Variants in SAMMSON observed in about 807,000 individuals in gnomAD.
The protein encoded by SAMMSON is long intergenic non-protein coding RNA 1212.
At chr3:70,055,004 G>T (rs754810087) in intron 3 of SAMMSON, among the ~76,000 whole-genome samples, 2 of 152,090 alleles carry the variant, frequency 1.3e-5, no homozygotes, top group African/African-American at 4.8e-5. Context: ...ATTTGATGAT[G>T]TCAAGGAATT....
rs577398031 is a variant in SAMMSON at position 70,328,420 on chromosome 3, G to A, written n.740-25755G>A. On this transcript the variant is annotated intron_variant and non_coding_transcript_variant, in intron 7 of 9. Coordinates refer to ENST00000642114, the Ensembl canonical transcript of SAMMSON. ...ACCTAAAGACAGCAAATAGAACTAT[G>A]TATGTCCCAAAAGGCAGAGGAAAGC... Among the ~76,000 whole-genome samples, 3 of 152,270 alleles carry A rather than the reference G, an allele frequency of 2.0e-5. No individual in the cohort carries two copies. In the East Asian group the frequency reaches 5.8e-4, roughly 29 times the overall value.
intron 9 of SAMMSON, among the ~76,000 whole-genome samples, chr3:70,376,690 C>T (rs1367175906): frequency 6.6e-6 from 1 of 152,038 alleles, no homozygotes; most frequent in Non-Finnish European, 1.5e-5. Flanking sequence ...TCATCCAGAG[C>T]CAGGCTCTGA....
chr3:70,282,193 C>A lies in SAMMSON; in HGVS notation n.675-8986C>A, dbSNP rs11924537. Among the ~76,000 whole-genome samples the A allele has an allele frequency of 1.3e-4, 20 of 151,966 alleles. 1 individual carries two copies. The highest frequency in any genetic ancestry group is 2.0e-4 in the Admixed American group (3 of 15,264). On this transcript the variant is annotated intron_variant and non_coding_transcript_variant, in intron 6 of 9. Transcript: ENST00000642114. ...CTCCTGGGATGCAGTAATCAAAAAA[C>A]CCTTCTTTCCTGGCAGTATTTGCTG...
chr3:70,254,099 G>A (rs989882268), intron 6 of SAMMSON, among the ~76,000 whole-genome samples: 1 of 151,576 alleles, frequency 6.6e-6, no homozygotes, highest in Admixed American at 6.6e-5. Context: ...ATTCTTTTCA[G>A]AGCATTAAAA....
intron 7 of SAMMSON, among the ~76,000 whole-genome samples, chr3:70,352,878 G>C (rs558836834): frequency 1.3e-5 from 2 of 151,994 alleles, no homozygotes; most frequent in Admixed American, 6.6e-5. Flanking sequence ...TATTGGTTGA[G>C]GAATACATAG....
At chr3:70,144,662 G>T (rs1274003344) in intron 4 of SAMMSON, among the ~76,000 whole-genome samples, 2 of 152,134 alleles carry the variant, frequency 1.3e-5, no homozygotes, top group Non-Finnish European at 2.9e-5. Context: ...TTGTGGGAGG[G>T]ACCCAGTGGG....
chr3:70,379,868 T>C (rs1207457066), intron 9 of SAMMSON, among the ~76,000 whole-genome samples: 2 of 152,200 alleles, frequency 1.3e-5, no homozygotes, highest in South Asian at 2.1e-4. Flanking sequence ...TTGTTGCCTA[T>C]GTTTATAAAA....
At chr3:70,267,504 G>A (rs1209979525) in intron 6 of SAMMSON, among the ~76,000 whole-genome samples, 2 of 132,112 alleles carry the variant, frequency 1.5e-5, no homozygotes, top group African/African-American at 5.7e-5. Flanking sequence ...CTGGGCTCAC[G>A]CCCTTCTCCT....
intron 4 of SAMMSON, among the ~76,000 whole-genome samples, chr3:70,087,884 T>C (rs544069757): frequency 6.6e-6 from 1 of 152,290 alleles, no homozygotes; most frequent in East Asian, 1.9e-4. Flanking sequence ...TATGCTTGTT[T>C]AAGGGATGTA....
chr3:70,058,776 C>T (rs181977946), intron 3 of SAMMSON, among the ~76,000 whole-genome samples: 1 of 152,014 alleles, frequency 6.6e-6, no homozygotes, highest in Non-Finnish European at 1.5e-5. Context: ...ACTGTATATA[C>T]CATCATATAA....
At chr3:70,064,448 G>A (rs553181288) in intron 3 of SAMMSON, among the ~76,000 whole-genome samples, 3 of 152,076 alleles carry the variant, frequency 2.0e-5, no homozygotes, top group African/African-American at 7.2e-5. Flanking sequence ...ATTGCAATCC[G>A]ACCAAGTCTA....
chr3:70,175,275 G>A (rs1037093330), intron 4 of SAMMSON, among the ~76,000 whole-genome samples: 2 of 152,032 alleles, frequency 1.3e-5, no homozygotes, highest in African/African-American at 4.8e-5. Context: ...ATGAAATAGA[G>A]AAAGAGTACC....
intron 2 of SAMMSON, among the ~76,000 whole-genome samples, chr3:70,410,110 C>CT (rs1376733613): frequency 6.6e-6 from 1 of 152,182 alleles, no homozygotes; most frequent in African/African-American, 2.4e-5. Flanking sequence ...ACTGAAAAAT[C>CT]TTTTCCCCCT....
chr3:70,408,896 T>G (rs1575643382), intron 2 of SAMMSON, among the ~76,000 whole-genome samples: 1 of 152,158 alleles, frequency 6.6e-6, no homozygotes, highest in East Asian at 1.9e-4. Context: ...TTAATTGGGC[T>G]TACAATTCCA....
At chr3:70,038,889 TGAGGA>T (rs971369552) in intron 3 of SAMMSON, among the ~76,000 whole-genome samples, 22 of 152,032 alleles carry the variant, frequency 1.4e-4, no homozygotes, top group African/African-American at 5.1e-4. Context: ...GGTTTGTGGC[TGAGGA>T]GTTGAATAAA....
chr3:70,071,652 C>G (rs1326073686), intron 4 of SAMMSON: 1 of 151,950 alleles, frequency 6.6e-6, no homozygotes, highest in African/African-American at 2.4e-5. Flanking sequence ...CCTCGCGATT[C>G]CTAATTAGCA....
intron 1 of SAMMSON, among the ~76,000 whole-genome samples, chr3:70,005,416 A>G (rs1423545799): frequency 6.6e-6 from 1 of 152,120 alleles, no homozygotes; most frequent in Non-Finnish European, 1.5e-5. Context: ...CCCACATTGC[A>G]TCTCTGAACT....
chr3:70,148,606 G>A (rs2067558406), intron 4 of SAMMSON, among the ~76,000 whole-genome samples: 1 of 152,078 alleles, frequency 6.6e-6, no homozygotes, highest in South Asian at 2.1e-4. Flanking sequence ...GAAGGTGAAG[G>A]GGAGCTGGTG....
chr3:70,110,575 T>C (rs11920474), intron 4 of SAMMSON, among the ~76,000 whole-genome samples: 13,450 of 152,176 alleles, frequency 0.088, 675 homozygotes, highest in Non-Finnish European at 0.11. Context: ...GCTATATCCT[T>C]ATCTCTCTCC....
Sources: gnomAD v4.1 joint callset for allele counts (sites outside exome capture counted in the v4.1 genomes callset) on GRCh38, gnomAD v4.1.1 for gene constraint, MANE v1.5 for transcripts, NCBI Gene and HGNC (gene_info 2026-07-23, HGNC 2026-07-21) for gene names.